The following GPC5 variants were observed in gnomAD, a reference collection of about 807,000 sequenced individuals.
The protein encoded by GPC5 is glypican-5.
GPC5 carries 47 observed loss-of-function variants against 53.9 expected under a neutral mutation model. The observed-to-expected ratio is 0.87, with a 90% CI of 0.69 to 1.11. The LOEUF (loss-of-function observed/expected upper bound fraction) is 1.11, where lower values mean the gene tolerates loss of function less well. GPC5 is among the 50% of genes most tolerant of loss of function. GPC5 has a pLI of 0.00. For synonymous variants in GPC5, 286 were observed against 263.3 expected (o/e 1.09, Z -0.84); for missense variants, 748 against 713.1 (o/e 1.05, Z -0.56).
chr13:92,250,240 G>A (rs1206070605), intron 7 of GPC5, among the ~76,000 whole-genome samples: 1 of 152,082 alleles, frequency 6.6e-6, no homozygotes, highest in East Asian at 1.9e-4. Flanking sequence ...GGCTTTTTAT[G>A]TTTATGCCTG....
Position 92,464,497 on chromosome 13 carries a change from C to T in GPC5, c.1561+319508C>T, listed in dbSNP as rs1878615920. On this transcript the variant is annotated intron_variant, in intron 7 of 7. Transcript: ENST00000377067. Reference sequence around the variant, plus strand: ...TGCTATTTTTATCTTCATCCATTAACCCTAAAGAAAGAGAAGTTTCAATGA... The same window carrying T: ...TGCTATTTTTATCTTCATCCATTAATCCTAAAGAAAGAGAAGTTTCAATGA... Among the ~76,000 whole-genome samples the T allele has an allele frequency of 2.6e-5, 4 of 151,892 alleles. 1 individual carries two copies. The South Asian group carries it at 8.3e-4, about 31-fold the overall frequency.
intron 6 of GPC5, among the ~76,000 whole-genome samples, chr13:91,978,474 T>C (rs1482944993): frequency 6.6e-6 from 1 of 152,210 alleles, no homozygotes; most frequent in Admixed American, 6.5e-5. Context: ...GTGAGCATTA[T>C]AGTAGCAATA....
At chr13:91,548,500 G>A (rs757698368) in intron 2 of GPC5, among the ~76,000 whole-genome samples, 5 of 152,194 alleles carry the variant, frequency 3.3e-5, no homozygotes, top group African/African-American at 9.7e-5. Context: ...TTCATGGATA[G>A]GAATACTCAA....
At chr13:92,633,936 ATTATG>A (rs765297311) in intron 7 of GPC5, among the ~76,000 whole-genome samples, 21 of 152,234 alleles carry the variant, frequency 1.4e-4, no homozygotes, top group Non-Finnish European at 1.6e-4. Flanking sequence ...ATGTGTAGTT[ATTATG>A]TTAAGACATA....
intron 7 of GPC5, among the ~76,000 whole-genome samples, chr13:92,591,188 A>C (rs889002452): frequency 1.3e-5 from 2 of 152,218 alleles, no homozygotes; most frequent in African/African-American, 2.4e-5. Flanking sequence ...CCATGCTTTT[A>C]GGAAGCTTCA....
intron 7 of GPC5, among the ~76,000 whole-genome samples, chr13:92,192,676 A>G (rs2042230970): frequency 6.6e-6 from 1 of 152,192 alleles, no homozygotes; most frequent in South Asian, 2.1e-4. Context: ...ATTTTAGCTG[A>G]CAAGGGAATA....
intron 6 of GPC5, among the ~76,000 whole-genome samples, chr13:91,929,428 C>T (rs1279788370): frequency 2.0e-5 from 3 of 152,076 alleles, no homozygotes; most frequent in African/African-American, 7.2e-5. Context: ...TTAACATTGG[C>T]ATTGATCCAC....
chr13:92,133,311 G>A lies in GPC5; in HGVS notation c.1402-11519G>A, dbSNP rs117758464. 4.0e-3 allele frequency among the ~76,000 whole-genome samples: 614 copies of A among 152,286 alleles called. 1 individual carries two copies. The highest frequency in any genetic ancestry group is 6.5e-3 in the Non-Finnish European group (440 of 68,020). ...GACATTTGTGAAGCTATGATGCTGT[G>A]CCATCTGGCGTACACGAGGGTGTCG... On this transcript the variant is annotated intron_variant, in intron 6 of 7. Coordinates refer to ENST00000377067, the MANE Select transcript of GPC5 (RefSeq NM_004466.6).
At chr13:92,613,641 A>G (rs1594348715) in intron 7 of GPC5, among the ~76,000 whole-genome samples, 1 of 136,216 alleles carries the variant, frequency 7.3e-6, no homozygotes, top group East Asian at 2.0e-4. Flanking sequence ...TTTTATAAAT[A>G]TTAAATATAT....
chr13:92,511,532 C>A (rs1361990966), intron 7 of GPC5, among the ~76,000 whole-genome samples: 1 of 152,064 alleles, frequency 6.6e-6, no homozygotes, highest in East Asian at 1.9e-4. Context: ...ATTTAGCCTG[C>A]AAAAAATGCC....
chr13:92,030,097 T>G (rs1157231616), intron 6 of GPC5, among the ~76,000 whole-genome samples: 2 of 152,212 alleles, frequency 1.3e-5, no homozygotes, highest in Non-Finnish European at 2.9e-5. Context: ...CAGTATAATT[T>G]TGCTGACTGA....
intron 2 of GPC5, among the ~76,000 whole-genome samples, chr13:91,638,355 CTTTCTT>C (rs1489860641): frequency 6.6e-6 from 1 of 151,794 alleles, no homozygotes; most frequent in African/African-American, 2.4e-5. Flanking sequence ...ATAGACATTT[CTTTCTT>C]TTTCTTTTTT....
At chr13:92,505,859 A>C (rs1880347374) in intron 7 of GPC5, among the ~76,000 whole-genome samples, 1 of 152,156 alleles carries the variant, frequency 6.6e-6, no homozygotes, top group Non-Finnish European at 1.5e-5. Context: ...AGCCAGTATC[A>C]AAAAGTTACA....
intron 6 of GPC5, among the ~76,000 whole-genome samples, chr13:91,908,646 G>T (rs1278704719): frequency 6.6e-6 from 1 of 151,938 alleles, no homozygotes; most frequent in African/African-American, 2.4e-5. Context: ...TGAAGCATGA[G>T]CATATTTATC....
At chr13:92,208,583 T>C (rs909922686) in intron 7 of GPC5, among the ~76,000 whole-genome samples, 15 of 152,192 alleles carry the variant, frequency 9.9e-5, no homozygotes, top group African/African-American at 3.4e-4. Context: ...TGGGGAAGGA[T>C]AGAATATGCA....
Position 92,621,107 on chromosome 13 carries a change from C to T in GPC5, c.1562-245175C>T, listed in dbSNP as rs1314228232. On this transcript the variant is annotated intron_variant, in intron 7 of 7. Coordinates refer to ENST00000377067, the MANE Select transcript of GPC5 (RefSeq NM_004466.6). ...CTCTTGCCTCTTCTTAAGTCACACT[C>T]ACTGGCTACTGCTTGGGCCCAGGGA... Among the ~76,000 whole-genome samples, 6 of 144,002 alleles carry T rather than the reference C, an allele frequency of 4.2e-5. 1 individual carries two copies. Among genetic ancestry groups the T allele is most frequent in the Non-Finnish European group, 7.8e-5 (5 of 63,870 alleles). The allele number at this position is 144,002 out of a possible 152,430, so 94.5% of individuals were successfully genotyped here.
rs187043545 is a variant in GPC5, at chr13:92,298,167, C to G, written c.1561+153178C>G. 2.4e-3 allele frequency among the ~76,000 whole-genome samples: 360 copies of G among 152,262 alleles called. 1 individual carries two copies. Among genetic ancestry groups the G allele is most frequent in the African/African-American group, 8.5e-3 (352 of 41,554 alleles). ...ATCCGAAGGGCCAGTCTCACTCCTG[C>G]CGTGCCCCCTCGCCCACAGCACCCA... On this transcript the variant is annotated intron_variant, in intron 7 of 7. Transcript: ENST00000377067.
intron 6 of GPC5, among the ~76,000 whole-genome samples, chr13:92,005,736 T>C (rs1164163887): frequency 6.6e-6 from 1 of 152,220 alleles, no homozygotes; most frequent in Admixed American, 6.5e-5. Context: ...GTTCCTAGCC[T>C]ATAATTAGTG....
At chr13:92,570,233 C>A (rs976621917) in intron 7 of GPC5, among the ~76,000 whole-genome samples, 1 of 152,000 alleles carries the variant, frequency 6.6e-6, no homozygotes, top group Non-Finnish European at 1.5e-5. Context: ...GAGTTAATAT[C>A]GGTGTATTTT....
Sources: allele counts gnomAD v4.1 joint callset (sites outside exome capture counted in the v4.1 genomes callset), GRCh38; gene constraint gnomAD v4.1.1; transcripts MANE v1.5; gene names NCBI Gene and HGNC (gene_info 2026-07-23, HGNC 2026-07-21).